Variants in RSPO4 observed in about 807,000 individuals in gnomAD.
The protein encoded by RSPO4 is R-spondin-4.
Under a neutral mutation model 24.8 loss-of-function variants are expected in RSPO4, and 23 were observed. The observed-to-expected ratio is 0.93, with a 90% CI of 0.67 to 1.31. RSPO4 has a LOEUF of 1.31. Ranked by LOEUF, RSPO4 falls within the 40% of genes most tolerant of loss-of-function variation. The pLI, the probability that RSPO4 is intolerant of heterozygous loss-of-function variation, is 0.00. For synonymous variants in RSPO4, 141 were observed against 127.4 expected (o/e 1.11, Z -0.72); for missense variants, 333 against 316.5 (o/e 1.05, Z -0.39).
chr20:966,050 G>A (rs1984184778), intron 3 of RSPO4, among the ~76,000 whole-genome samples: 2 of 152,178 alleles, frequency 1.3e-5, no homozygotes, highest in South Asian at 4.1e-4. Context: ...GAAACCCAGA[G>A]GGAGCGTTAG....
rs1983917534 is a variant in RSPO4, at chr20:959,548, A to T, written c.*809T>A. ...ACAGCTCACCTGATCCGGCTTGGGA[A>T]AAAGGGGCATGGAACCCATGAGAGG... On this transcript the variant is annotated 3_prime_UTR_variant, in exon 5 of 5. Transcript: ENST00000217260. 6.6e-6 allele frequency: 1 copy of T among 152,390 alleles called. No homozygotes were observed. The highest frequency in any genetic ancestry group is 1.5e-5 in the Non-Finnish European group (1 of 68,210). The allele number at this position is 152,390 out of a possible 1,614,324, so 9.4% of individuals were successfully genotyped here. A position where few individuals can be genotyped will look rare whatever the true frequency, so the allele number is the denominator to read the frequency against.
At chr20:961,805 C>T (rs753742966) in intron 4 of RSPO4, among the ~76,000 whole-genome samples, 1 of 152,060 alleles carries the variant, frequency 6.6e-6, no homozygotes, top group African/African-American at 2.4e-5. Context: ...ATTTACCCAC[C>T]TACACACTCA....
intron 3 of RSPO4, among the ~76,000 whole-genome samples, chr20:965,628 GGGGTGGCAAGA>G (rs1390447080): frequency 6.6e-6 from 1 of 152,238 alleles, no homozygotes; most frequent in Non-Finnish European, 1.5e-5. Flanking sequence ...CGATAGGCAG[GGGGTGGCAAGA>G]GGGTGGGAAG....
chr20:986,668 T>G (rs1984933390), intron 1 of RSPO4, among the ~76,000 whole-genome samples: 1 of 144,416 alleles, frequency 6.9e-6, no homozygotes, highest in African/African-American at 2.5e-5. Context: ...GGGTGGGGGG[T>G]GCATGGAAAG....
chr20:1,000,413 C>A (rs1362594730), intron 1 of RSPO4, among the ~76,000 whole-genome samples: 1 of 152,264 alleles, frequency 6.6e-6, no homozygotes. Flanking sequence ...ACACAGTGGA[C>A]AGGAAATGAG....
rs1363819429 is a variant in RSPO4, at chr20:964,052, C to T, written c.478G>A (p.Ala160Thr). The change falls in exon 4 of 5, where the codon GCT becomes ACT. Residue 160 changes from alanine (A) to threonine (T), a missense_variant. Transcript: ENST00000217260. ...CGTACCCGGCTCTCCAGGCCCCAAG[C>T]CGAGCCGCAGGTCTTTCCATTGTGT... Reference protein sequence around the residue: ...CTHNGKTCGSAWGLESRVREA... With the variant: ...CTHNGKTCGSTWGLESRVREA... 1.9e-6 allele frequency: 3 copies of T among 1,613,742 alleles called. No homozygotes were observed. Among genetic ancestry groups the T allele is most frequent in the Admixed American group, 3.3e-5 (2 of 60,034 alleles).
rs1014150463 is a variant in RSPO4 at position 958,559 on chromosome 20, C to G, written c.*1798G>C. ...GGCACAAACGTTTGCAGAAGAGAAG[C>G]TGGTGGCCTGGCCAGGCGGAGGAGG... On this transcript the variant is annotated 3_prime_UTR_variant, in exon 5 of 5. Coordinates refer to ENST00000217260, the MANE Select transcript of RSPO4 (RefSeq NM_001029871.4). The G allele has an allele frequency of 6.6e-6, 1 of 150,738 alleles. No homozygotes were observed. The highest frequency in any genetic ancestry group is 1.5e-5 in the Non-Finnish European group (1 of 67,870). 9.3% of individuals were successfully genotyped at this position (150,738 alleles called of 1,614,324 possible).
intron 4 of RSPO4, among the ~76,000 whole-genome samples, chr20:962,974 T>C (rs1984053316): frequency 2.6e-5 from 4 of 152,224 alleles, no homozygotes; most frequent in South Asian, 4.1e-4. Context: ...TTAACGATTA[T>C]AGAGAATTCG....
chr20:976,853 A>G (rs576149715), intron 1 of RSPO4, among the ~76,000 whole-genome samples: 5 of 152,326 alleles, frequency 3.3e-5, no homozygotes, highest in Non-Finnish European at 7.3e-5. Context: ...CATTTAAAAA[A>G]TCAAGAGATT....
intron 1 of RSPO4, among the ~76,000 whole-genome samples, chr20:1,000,017 C>T (rs549021115): frequency 8.3e-4 from 126 of 151,980 alleles, no homozygotes; most frequent in Non-Finnish European, 2.8e-4. Context: ...TACAGGCGCC[C>T]GCCACCACAC....
chr20:1,001,330 G>T (rs1034451062), intron 1 of RSPO4, among the ~76,000 whole-genome samples: 3 of 152,184 alleles, frequency 2.0e-5, no homozygotes, highest in Admixed American at 1.3e-4. Context: ...CTCCTGCTCT[G>T]CAGGGACAGC....
chr20:962,121 G>C (rs1488957122), intron 4 of RSPO4, among the ~76,000 whole-genome samples: 2 of 152,232 alleles, frequency 1.3e-5, no homozygotes, highest in African/African-American at 4.8e-5. Flanking sequence ...CTGTGAACAA[G>C]GCAGATAAAG....
chr20:980,807 G>A (rs1468599083), intron 1 of RSPO4, among the ~76,000 whole-genome samples: 1 of 152,096 alleles, frequency 6.6e-6, no homozygotes, highest in African/African-American at 2.4e-5. Flanking sequence ...AGGTGCTGTC[G>A]CCTCTCGACA....
At position 981,147 on chromosome 20, in the gene RSPO4, C is replaced by T. The variant is rs1455210610; in HGVS notation, c.80-13009G>A. Among the ~76,000 whole-genome samples, 3 of 152,158 alleles carry T rather than the reference C, an allele frequency of 2.0e-5. No individual in the cohort carries two copies. Among genetic ancestry groups the T allele is most frequent in the Non-Finnish European group, 2.9e-5 (2 of 68,030 alleles). ...ATTTAAACCCACAGCTGATGAAACCCCAGACTCATTCTACTGTGTCACACT... is the reference window on the plus strand; with the variant it reads ...ATTTAAACCCACAGCTGATGAAACCTCAGACTCATTCTACTGTGTCACACT... On this transcript the variant is annotated intron_variant, in intron 1 of 4. Coordinates refer to ENST00000217260, the MANE Select transcript of RSPO4 (RefSeq NM_001029871.4). This position sits in a 1 kb window ranked among gnomAD's most constrained non-coding sequence, Gnocchi z 4.6.
At chr20:965,363 G>T (rs533048255) in intron 3 of RSPO4, among the ~76,000 whole-genome samples, 1 of 152,328 alleles carries the variant, frequency 6.6e-6, no homozygotes, top group South Asian at 2.1e-4. Flanking sequence ...CCTGGAACTG[G>T]GCAAGCCGGA....
intron 1 of RSPO4, among the ~76,000 whole-genome samples, chr20:985,922 T>C (rs759647428): frequency 6.6e-6 from 1 of 152,208 alleles, no homozygotes; most frequent in African/African-American, 2.4e-5. Flanking sequence ...CCTGTGTCCA[T>C]TGGGAGTGAG....
intron 1 of RSPO4, among the ~76,000 whole-genome samples, chr20:989,356 T>C (rs568347581): frequency 6.6e-6 from 1 of 152,218 alleles, no homozygotes; most frequent in South Asian, 2.1e-4. Flanking sequence ...ATAGGAATGA[T>C]GATATTAAAG....
Position 964,054 on chromosome 20 carries a change from G to A in RSPO4, c.476C>T (p.Ser159Leu), listed in dbSNP as rs867771123. The A allele has an allele frequency of 1.7e-5, 27 of 1,613,618 alleles. No homozygotes were observed. Among genetic ancestry groups the A allele is most frequent in the Admixed American group, 1.3e-4 (8 of 60,000 alleles). The part of the protein sequence containing the change: ...PCTHNGKTCG[S>L]AWGLESRVRE... ...TACCCGGCTCTCCAGGCCCCAAGCC[G>A]AGCCGCAGGTCTTTCCATTGTGTGT... Residue 159 changes from serine (S) to leucine (L), a missense_variant, in exon 4 of 5, where the codon TCG (serine) becomes TTG (leucine). Physicochemically the swap from Ser to Leu is moderately radical, Grantham distance 145. Coordinates refer to ENST00000217260, the MANE Select transcript of RSPO4 (RefSeq NM_001029871.4).
At chr20:999,711 AT>A (rs1985402196) in intron 1 of RSPO4, among the ~76,000 whole-genome samples, 1 of 151,996 alleles carries the variant, frequency 6.6e-6, no homozygotes, top group African/African-American at 2.4e-5. Flanking sequence ...TTGCGGCCAT[AT>A]CCCTACCTCC....
Sources: allele counts gnomAD v4.1 joint callset (sites outside exome capture counted in the v4.1 genomes callset), GRCh38; gene constraint gnomAD v4.1.1; non-coding constraint Gnocchi (gnomAD v3.1); transcripts MANE v1.5; gene names NCBI Gene and HGNC (gene_info 2026-07-23, HGNC 2026-07-21).